The following DTNA variants were observed in gnomAD, a reference collection of about 807,000 sequenced individuals.
DTNA encodes dystrobrevin alpha, also known as dystrophin-related protein 3.
In DTNA, 43 loss-of-function variants were observed where a neutral mutation model predicts 100.7. The ratio of observed to expected loss-of-function variants is 0.43; its 90% CI spans 0.33 to 0.55. The LOEUF is 0.55. DTNA is among the 20% of genes least tolerant of loss of function. The pLI is 0.04. For missense variants in DTNA, 798 were observed against 953.9 expected (o/e 0.84, Z 2.15); for synonymous variants, 349 against 347.9 (o/e 1.00, Z -0.04).
At chr18:34,666,413 C>T (rs942410594) in intron 1 of DTNA, among the ~76,000 whole-genome samples, 2 of 151,918 alleles carry the variant, frequency 1.3e-5, no homozygotes, top group African/African-American at 4.8e-5. Flanking sequence ...TGTGCAGAAG[C>T]TCTTTAGTTT....
intron 15 of DTNA, among the ~76,000 whole-genome samples, chr18:34,853,490 G>C (rs973412739): frequency 6.6e-6 from 1 of 152,066 alleles, no homozygotes; most frequent in African/African-American, 2.4e-5. Context: ...TTTCTAGTAA[G>C]GAAAGCTTTT....
At chr18:34,669,331 A>G (rs1161736405) in intron 1 of DTNA, among the ~76,000 whole-genome samples, 1 of 151,986 alleles carries the variant, frequency 6.6e-6, no homozygotes, top group Non-Finnish European at 1.5e-5. Context: ...TCTGCACGTG[A>G]GATGGGTTTC....
intron 1 of DTNA, among the ~76,000 whole-genome samples, chr18:34,744,230 C>CT (rs1209405150): frequency 6.6e-6 from 1 of 152,156 alleles, no homozygotes; most frequent in Non-Finnish European, 1.5e-5. Flanking sequence ...TTAAAGAGAA[C>CT]TTTCTAGTTT....
chr18:34,661,545 A>G (rs571317788), intron 1 of DTNA, among the ~76,000 whole-genome samples: 1 of 152,264 alleles, frequency 6.6e-6, no homozygotes, highest in East Asian at 1.9e-4. Context: ...ATTTCCTTTC[A>G]GTTCACATCT....
intron 1 of DTNA, among the ~76,000 whole-genome samples, chr18:34,511,802 A>T (rs1022235637): frequency 3.3e-5 from 5 of 152,078 alleles, no homozygotes; most frequent in African/African-American, 1.2e-4. Flanking sequence ...TAGTGTAAAT[A>T]TTAATATATA....
At chr18:34,539,846 CCTT>C (rs1380947885) in intron 1 of DTNA, among the ~76,000 whole-genome samples, 1 of 151,208 alleles carries the variant, frequency 6.6e-6, no homozygotes, top group East Asian at 2.0e-4. Flanking sequence ...AGAAAATGTT[CCTT>C]CTATTTTATA....
At chr18:34,725,481 G>T (rs1394334904) in intron 1 of DTNA, among the ~76,000 whole-genome samples, 1 of 151,368 alleles carries the variant, frequency 6.6e-6, no homozygotes, top group Non-Finnish European at 1.5e-5. Context: ...TATGCAGCCA[G>T]CAAACTTATG....
intron 1 of DTNA, among the ~76,000 whole-genome samples, chr18:34,540,001 A>G (rs1428774241): frequency 6.6e-6 from 1 of 151,892 alleles, no homozygotes; most frequent in Non-Finnish European, 1.5e-5. Context: ...TAAACACAAT[A>G]CTAAACCAAG....
At chr18:34,621,926 C>A (rs1166464880) in intron 1 of DTNA, among the ~76,000 whole-genome samples, 2 of 151,952 alleles carry the variant, frequency 1.3e-5, no homozygotes, top group East Asian at 3.9e-4. Flanking sequence ...ACATAGTATA[C>A]GATTTATATT....
At chr18:34,739,720 C>G (rs181309124) in intron 1 of DTNA, among the ~76,000 whole-genome samples, 90 of 152,168 alleles carry the variant, frequency 5.9e-4, no homozygotes, top group African/African-American at 1.9e-3. Context: ...TAACCAGGAC[C>G]CCAAAATGTT....
At chr18:34,621,520 T>C (rs1286027578) in intron 1 of DTNA, among the ~76,000 whole-genome samples, 3 of 152,094 alleles carry the variant, frequency 2.0e-5, no homozygotes, top group Non-Finnish European at 4.4e-5. Flanking sequence ...TTCTGTCATA[T>C]GTAACAACGT....
intron 1 of DTNA, among the ~76,000 whole-genome samples, chr18:34,622,010 G>A (rs1303509776): frequency 6.6e-6 from 1 of 152,086 alleles, no homozygotes; most frequent in Non-Finnish European, 1.5e-5. Context: ...GTGGGCAGAG[G>A]GGAGGAATTG....
chr18:34,604,895 G>A (rs192169474), intron 1 of DTNA, among the ~76,000 whole-genome samples: 83 of 152,152 alleles, frequency 5.5e-4, no homozygotes, highest in Non-Finnish European at 9.4e-4. Flanking sequence ...TTTGTCTTAG[G>A]CCATAACTTA....
chr18:34,536,968 CTGCT>C (rs2043777306), intron 1 of DTNA, among the ~76,000 whole-genome samples: 1 of 34,812 alleles, frequency 2.9e-5, no homozygotes, highest in East Asian at 1.6e-3. Context: ...AGTCAGCCAG[CTGCT>C]TTTATACTAG....
At chr18:34,517,461 G>A (rs62098465) in intron 1 of DTNA, among the ~76,000 whole-genome samples, 40 of 1,940 alleles carry the variant, frequency 0.021, no homozygotes, top group Admixed American at 0.13. Context: ...TTATATACAC[G>A]TGTGTGTGTG....
intron 1 of DTNA, among the ~76,000 whole-genome samples, chr18:34,607,530 A>C (rs1249800698): frequency 6.6e-6 from 1 of 152,218 alleles, no homozygotes; most frequent in Non-Finnish European, 1.5e-5. Context: ...ACTTGTTCCA[A>C]AGCAGACATT....
At chr18:34,690,734 A>G (rs1432945594) in intron 1 of DTNA, among the ~76,000 whole-genome samples, 2 of 152,240 alleles carry the variant, frequency 1.3e-5, no homozygotes, top group Admixed American at 6.5e-5. Flanking sequence ...TCTTTTATCC[A>G]TCTTTGTATT....
chr18:34,880,032 A>T (rs2096857219), intron 20 of DTNA, among the ~76,000 whole-genome samples: 1 of 152,192 alleles, frequency 6.6e-6, no homozygotes, highest in African/African-American at 2.4e-5. Flanking sequence ...TTTAGGACTC[A>T]CAGACTAGTT....
intron 1 of DTNA, among the ~76,000 whole-genome samples, chr18:34,690,212 C>T (rs1272744728): frequency 6.6e-6 from 1 of 152,206 alleles, no homozygotes; most frequent in African/African-American, 2.4e-5. Context: ...ACTCCTGCAG[C>T]TAGCTTGGTG....
Sources: gnomAD v4.1 joint callset for allele counts (sites outside exome capture counted in the v4.1 genomes callset) on GRCh38, gnomAD v4.1.1 for gene constraint, MANE v1.5 for transcripts, NCBI Gene and HGNC (gene_info 2026-07-23, HGNC 2026-07-21) for gene names.